Variants in EYS observed in about 807,000 individuals in gnomAD.
EYS encodes EGF-like photoreceptor maintenance factor.
Under a neutral mutation model 282.1 loss-of-function variants are expected in EYS, and 250 were observed. That is an observed-to-expected ratio of 0.89 (90% confidence interval 0.80 to 0.98). The LOEUF (loss-of-function observed/expected upper bound fraction) is 0.98, where lower values mean the gene tolerates loss of function less well. Ranked by LOEUF, EYS falls within the 50% of genes least tolerant of loss-of-function variation. EYS has a pLI of 0.00. For missense variants in EYS, 4,016 were observed against 3,709.0 expected (o/e 1.08, Z -2.15); for synonymous variants, 1,355 against 1,282.9 (o/e 1.06, Z -1.20).
rs201374371 is a variant in EYS at position 65,405,359 on chromosome 6, A to T, written c.871T>A (p.Cys291Ser). The T allele has an allele frequency of 6.2e-7, 1 of 1,606,820 alleles. No individual in the cohort carries two copies. The highest frequency in any genetic ancestry group is 1.4e-5 in the African/African-American group (1 of 73,898). Residue 291 changes from cysteine to serine, a missense_variant, in exon 6 of 43, where the codon TGT becomes AGT. Transcript: ENST00000503581. Reference protein sequence around the residue: ...ECDEQFSGPFCEVSAKPCVSL... With the variant: ...ECDEQFSGPFSEVSAKPCVSL... The stretch of plus-strand genomic sequence containing the variant: ...ACACAAGGTTTTGCTGACACCTCAC[A>T]GAATGGACCTTAAAAAAATCACACA...
rs138879301 is a variant in EYS, at chr6:64,397,204, G to A, written c.5928-8364C>T. Reference sequence around the variant, plus strand: ...AAGTTTAACTTGGTTATGATATATGGCTTTCTTATATAACAGTGGATTTAC... The same window carrying A: ...AAGTTTAACTTGGTTATGATATATGACTTTCTTATATAACAGTGGATTTAC... On this transcript the variant is annotated intron_variant, in intron 28 of 42. Transcript: ENST00000503581. Among the ~76,000 whole-genome samples, 61 of 151,936 alleles carry A rather than the reference G, an allele frequency of 4.0e-4. No homozygotes were observed. In the East Asian group the frequency reaches 0.012, roughly 29 times the overall value.
chr6:65,688,210 G>T (rs1462937629), intron 1 of EYS, among the ~76,000 whole-genome samples: 1 of 151,940 alleles, frequency 6.6e-6, no homozygotes. Flanking sequence ...AACCAAAACA[G>T]CATGGTACTG....
chr6:65,316,787 C>T (rs1426361106), intron 11 of EYS, among the ~76,000 whole-genome samples: 4 of 152,130 alleles, frequency 2.6e-5, no homozygotes, highest in East Asian at 1.9e-4. Flanking sequence ...GCTTCATCCA[C>T]GTCCCTGCAA....
At chr6:65,517,841 T>C (rs956359598) in intron 2 of EYS, among the ~76,000 whole-genome samples, 1 of 152,040 alleles carries the variant, frequency 6.6e-6, no homozygotes, top group Non-Finnish European at 1.5e-5. Context: ...AGTTTTCACA[T>C]GTAAGTTTGA....
intron 11 of EYS, among the ~76,000 whole-genome samples, chr6:65,305,277 G>A (rs1254888197): frequency 6.6e-6 from 1 of 152,178 alleles, no homozygotes; most frequent in African/African-American, 2.4e-5. Flanking sequence ...ACTCCTTGAG[G>A]TGTTTGTCAG....
chr6:63,854,555 G>T (rs968571410), intron 36 of EYS, among the ~76,000 whole-genome samples: 3 of 152,064 alleles, frequency 2.0e-5, no homozygotes, highest in African/African-American at 7.2e-5. Flanking sequence ...AACCACCATG[G>T]CACATGTATA....
At chr6:63,977,788 C>A (rs190928490) in intron 35 of EYS, among the ~76,000 whole-genome samples, 8 of 152,054 alleles carry the variant, frequency 5.3e-5, no homozygotes, top group Admixed American at 3.9e-4. Context: ...ATAAGAAAAC[C>A]TTTCGATATT....
intron 2 of EYS, among the ~76,000 whole-genome samples, chr6:65,600,571 T>C (rs1347611475): frequency 1.3e-5 from 2 of 151,962 alleles, no homozygotes; most frequent in Non-Finnish European, 2.9e-5. Context: ...GAAATGCAAA[T>C]GATGAAAGCA....
rs150002095 is a variant in EYS at position 64,344,904 on chromosome 6, A to G, written c.6079-37822T>C. Among the ~76,000 whole-genome samples, 1,401 of 152,238 alleles carry G rather than the reference A, an allele frequency of 9.2e-3. 19 individuals carry two copies. Among genetic ancestry groups the G allele is most frequent in the East Asian group, 0.049 (254 of 5,174 alleles). The stretch of plus-strand genomic sequence containing the variant: ...ATCACAAGCACTCCTATACACCAAT[A>G]ACAGACAAACAGAGAGCCAAATCAT... On this transcript the variant is annotated intron_variant, in intron 29 of 42. Transcript: ENST00000503581.
intron 12 of EYS, among the ~76,000 whole-genome samples, chr6:65,240,986 T>C (rs1767044346): frequency 6.6e-6 from 1 of 152,288 alleles, no homozygotes; most frequent in East Asian, 1.9e-4. Flanking sequence ...TTCCTGACAG[T>C]GTTTTCCTAA....
At position 64,591,478 on chromosome 6, in the gene EYS, C is replaced by G. The variant is rs758077611; in HGVS notation, c.4389G>C (p.Arg1463Ser). The change falls in exon 26 of 43, where the codon AGG (arginine) becomes AGC (serine). Residue 1463 changes from arginine (R) to serine (S), a missense_variant. Coordinates refer to ENST00000503581, the MANE Select transcript of EYS (RefSeq NM_001142800.2). ...ATTCTTCAATATCCTCTTGAGCCCCCCTAGAGACAACTGGAGTTGCACTTA... is the reference window on the plus strand; with the variant it reads ...ATTCTTCAATATCCTCTTGAGCCCCGCTAGAGACAACTGGAGTTGCACTTA... Reference protein sequence around the residue: ...ASISATPVVSRGAQEDIEEYS... With the variant: ...ASISATPVVSSGAQEDIEEYS... 19 of 1,551,260 alleles carry G rather than the reference C, an allele frequency of 1.2e-5. No individual in the cohort carries two copies. The highest frequency in any genetic ancestry group is 1.7e-5 in the Non-Finnish European group (19 of 1,146,764).
At chr6:65,233,980 G>A (rs767344065) in intron 12 of EYS, among the ~76,000 whole-genome samples, 1 of 152,074 alleles carries the variant, frequency 6.6e-6, no homozygotes, top group African/African-American at 2.4e-5. Context: ...GATCTCCAAA[G>A]GGACATCCTG....
In EYS at chr6:64,814,056, A is replaced by G. The variant is rs1764677935; in HGVS notation, c.3244-479T>C. ...ACTTAGAACAAACATTTCACAATGC[A>G]TTTATATCCATGTAAAATAGCTAAA... On this transcript the variant is annotated intron_variant, in intron 21 of 42. Transcript: ENST00000503581. 1.3e-5 allele frequency among the ~76,000 whole-genome samples: 2 copies of G among 152,032 alleles called. 1 individual carries two copies. The highest frequency in any genetic ancestry group is 4.1e-4 in the South Asian group (2 of 4,830).
chr6:64,619,678 T>C (rs1767384845), intron 23 of EYS, among the ~76,000 whole-genome samples: 1 of 152,102 alleles, frequency 6.6e-6, no homozygotes, highest in African/African-American at 2.4e-5. Context: ...TGCTGTTTTG[T>C]TTTGTTTTGT....
chr6:64,467,250 G>A (rs183741070), intron 26 of EYS, among the ~76,000 whole-genome samples: 274 of 151,904 alleles, frequency 1.8e-3, no homozygotes, highest in Admixed American at 4.1e-3. Flanking sequence ...CTATCTTATT[G>A]GCAAAAATTT....
intron 12 of EYS, among the ~76,000 whole-genome samples, chr6:65,189,908 C>A (rs1765601358): frequency 6.6e-6 from 1 of 151,700 alleles, no homozygotes; most frequent in African/African-American, 2.4e-5. Context: ...AGAACAAAGT[C>A]AAAACAAGTT....
At chr6:64,518,271 C>A (rs1777622610) in intron 26 of EYS, among the ~76,000 whole-genome samples, 1 of 151,734 alleles carries the variant, frequency 6.6e-6, no homozygotes, top group Non-Finnish European at 1.5e-5. Context: ...AAACATAACA[C>A]CTTACCTGCT....
At chr6:65,130,642 C>T (rs190151308) in intron 12 of EYS, among the ~76,000 whole-genome samples, 6 of 151,410 alleles carry the variant, frequency 4.0e-5, no homozygotes, top group African/African-American at 1.5e-4. Context: ...ACACAGGGGG[C>T]CTATCAGAGG....
chr6:64,377,676 G>A (rs765256211), intron 29 of EYS: 1 of 151,950 alleles, frequency 6.6e-6, no homozygotes, highest in African/African-American at 2.4e-5. Context: ...ATTTTATAAA[G>A]GCATTTTGTA....
Sources: allele counts gnomAD v4.1 joint callset (sites outside exome capture counted in the v4.1 genomes callset), GRCh38; gene constraint gnomAD v4.1.1; transcripts MANE v1.5; gene names NCBI Gene and HGNC (gene_info 2026-07-23, HGNC 2026-07-21).